NUCKS1: variants seen among roughly 807,000 people sequenced by gnomAD.
NUCKS1 encodes the protein nuclear ubiquitous casein and cyclin-dependent kinase substrate 1.
A neutral mutation model predicts 33.0 loss-of-function variants in NUCKS1; 2 were observed. That is an observed-to-expected ratio of 0.06 (90% CI 0.02 to 0.19). The LOEUF (loss-of-function observed/expected upper bound fraction) is 0.19. NUCKS1 is among the 10% of genes least tolerant of loss of function. The probability of loss-of-function intolerance (pLI) is 1.00; values close to 1 mark genes in which losing one functional copy is unlikely to be tolerated. For synonymous variants in NUCKS1, 106 were observed against 102.8 expected (o/e 1.03, Z -0.19); for missense variants, 201 against 293.6 (o/e 0.68, Z 2.31).
intron 1 of NUCKS1, among the ~76,000 whole-genome samples, chr1:205,733,194 T>C (rs1653958259): frequency 6.6e-6 from 1 of 152,224 alleles, no homozygotes; most frequent in Non-Finnish European, 1.5e-5. Flanking sequence ...TAGCAATGGA[T>C]ATATCCTATG....
At chr1:205,746,021 C>T (rs1263618097) in intron 1 of NUCKS1, among the ~76,000 whole-genome samples, 1 of 152,138 alleles carries the variant, frequency 6.6e-6, no homozygotes, top group Non-Finnish European at 1.5e-5. Flanking sequence ...TCCGGCCGGG[C>T]GCGGTAGTTC....
intron 5 of NUCKS1, 43 bp downstream of exon 5, chr1:205,720,458 A>G (rs1671899792): frequency 6.3e-7 from 1 of 1,592,010 alleles, no homozygotes; most frequent in South Asian, 1.1e-5. Context: ...ACAAACTACA[A>G]TTATGACCAA....
chr1:205,749,612 G>A (rs1654430079), intron 1 of NUCKS1, among the ~76,000 whole-genome samples: 2 of 152,064 alleles, frequency 1.3e-5, no homozygotes, highest in Non-Finnish European at 2.9e-5. Context: ...ACGGCCCCGA[G>A]GAGGTGGGGC....
chr1:205,720,657 C>T lies in NUCKS1; in HGVS notation c.230-4G>A. The T allele has an allele frequency of 1.2e-6, 2 of 1,608,126 alleles. No individual in the cohort carries two copies. The highest frequency in any genetic ancestry group is 2.2e-5 in the East Asian group (1 of 44,842). ...TCTTTTTCATCTTCACTATCCTCTG[C>T]AATATCAGAATTACCATGATATAAT... On this transcript the variant is annotated splice_region_variant and splice_polypyrimidine_tract_variant and intron_variant, in intron 4 of 6. Transcript: ENST00000367142.
chr1:205,750,014 C>CCGG lies in NUCKS1; in HGVS notation c.-42_-41insCCG. 3 of 1,568,862 alleles carry CCGG rather than the reference C, an allele frequency of 1.9e-6. No individual in the cohort carries two copies. The highest frequency in any genetic ancestry group is 2.6e-6 in the Non-Finnish European group (3 of 1,154,148). ...AGGACCGAGTCGAGAAGCCAAAGACCAGGACCCCCCCCACCCCGCGCGCTC... is the reference window on the plus strand; with the variant it reads ...AGGACCGAGTCGAGAAGCCAAAGACCCGGAGGACCCCCCCCACCCCGCGCGCTC... On this transcript the variant is annotated 5_prime_UTR_variant, in exon 1 of 7. Coordinates refer to ENST00000367142, the MANE Select transcript of NUCKS1 (RefSeq NM_022731.5).
intron 1 of NUCKS1, among the ~76,000 whole-genome samples, chr1:205,741,800 A>G (rs1654182464): frequency 6.6e-6 from 1 of 152,176 alleles, no homozygotes; most frequent in Non-Finnish European, 1.5e-5. Flanking sequence ...TTCCTGGGAA[A>G]GAAGTTAGGG....
chr1:205,720,385 A>AAACCCAGT, intron 5 of NUCKS1, 116 bp downstream of exon 5: 1 of 973,046 alleles, frequency 1.0e-6, no homozygotes, highest in Non-Finnish European at 1.5e-6. Flanking sequence ...CGGAGTATCT[A>AAACCCAGT]CCCAATTTAA....
intron 3 of NUCKS1, among the ~76,000 whole-genome samples, chr1:205,725,235 G>C (rs10494873): frequency 0.017 from 2,609 of 152,218 alleles, 58 homozygotes; most frequent in African/African-American, 0.045. Flanking sequence ...AAATCACTTG[G>C]TATTCTTCAA....
rs1671809096 is a variant in NUCKS1, at chr1:205,715,646, C to T, written c.*2634G>A. 1 of 152,220 alleles carries T rather than the reference C, an allele frequency of 6.6e-6. No individual in the cohort carries two copies. The highest frequency in any genetic ancestry group is 2.1e-4 in the South Asian group (1 of 4,834). 9.4% of individuals were successfully genotyped at this position (152,220 alleles called of 1,614,324 possible). A position where few individuals can be genotyped will look rare whatever the true frequency, so the allele number is the denominator to read the frequency against. ...TAGAATGTAGTGTCAGTCAGCATAG[C>T]TGCTGAAATCTACGTTGTAGAGGTA... On this transcript the variant is annotated 3_prime_UTR_variant, in exon 7 of 7. Transcript: ENST00000367142.
At chr1:205,721,902 G>A (rs577228135) in intron 4 of NUCKS1, among the ~76,000 whole-genome samples, 67 of 152,042 alleles carry the variant, frequency 4.4e-4, no homozygotes, top group Non-Finnish European at 5.3e-4. Context: ...TCGAACTCCC[G>A]ACCTCAGGTG....
At chr1:205,724,340 T>C (rs1671967828) in intron 3 of NUCKS1, among the ~76,000 whole-genome samples, 1 of 152,200 alleles carries the variant, frequency 6.6e-6, no homozygotes, top group African/African-American at 2.4e-5. Context: ...ATAGTGTTGA[T>C]GGCAAATAAA....
intron 1 of NUCKS1, among the ~76,000 whole-genome samples, chr1:205,742,100 TAGC>T (rs1654190847): frequency 6.6e-6 from 1 of 152,242 alleles, no homozygotes; most frequent in Non-Finnish European, 1.5e-5. Flanking sequence ...GTGTAAGAGA[TAGC>T]AGCACCGACT....
chr1:205,717,386 A>C lies in NUCKS1; in HGVS notation c.*894T>G. Reference sequence around the variant, plus strand: ...ACCTGTAGACTGATCTTGTTGATTAAATTCTAGGGTTTTTTTTTTTTTGGA... The same window carrying C: ...ACCTGTAGACTGATCTTGTTGATTACATTCTAGGGTTTTTTTTTTTTTGGA... On this transcript the variant is annotated 3_prime_UTR_variant, in exon 7 of 7. Coordinates refer to ENST00000367142, the MANE Select transcript of NUCKS1 (RefSeq NM_022731.5). The C allele has an allele frequency of 1.0e-6, 1 of 974,464 alleles. No homozygotes were observed. Among genetic ancestry groups the C allele is most frequent in the Non-Finnish European group, 1.2e-6 (1 of 820,978 alleles). 60.4% of individuals were successfully genotyped at this position (974,464 alleles called of 1,614,324 possible).
chr1:205,725,276 C>G (rs1653725374), intron 3 of NUCKS1, among the ~76,000 whole-genome samples: 1 of 152,224 alleles, frequency 6.6e-6, no homozygotes, highest in Non-Finnish European at 1.5e-5. Context: ...ATGAAAAATT[C>G]TGAAGAACAA....
At chr1:205,728,908 G>C (rs1027402789) in intron 2 of NUCKS1, among the ~76,000 whole-genome samples, 5 of 151,968 alleles carry the variant, frequency 3.3e-5, no homozygotes, top group African/African-American at 1.2e-4. Flanking sequence ...GTAACAGCAG[G>C]AGATTTTTTT....
rs560857774 is a variant in NUCKS1 at position 205,718,967 on chromosome 1, A to G, written c.533-488T>C. ...GTTTAACAATGACTAGTTCTACCTA[A>G]CAGAATAAAACCACCTACACAAAAA... On this transcript the variant is annotated intron_variant, in intron 6 of 6. Transcript: ENST00000367142. Among the ~76,000 whole-genome samples the G allele has an allele frequency of 2.6e-5, 4 of 152,318 alleles. No individual in the cohort carries two copies. The East Asian group carries it at 5.8e-4, about 22-fold the overall frequency.
Position 205,724,695 on chromosome 1 carries a change from AC to A in NUCKS1, c.174-715del, listed in dbSNP as rs905268053. Among the ~76,000 whole-genome samples the A allele has an allele frequency of 7.9e-4, 118 of 150,028 alleles. 1 individual carries two copies. The highest frequency in any genetic ancestry group is 2.7e-3 in the African/African-American group (109 of 40,856). On this transcript the variant is annotated intron_variant, in intron 3 of 6. Transcript: ENST00000367142. ...GGTGGCAGAGCAAGACTCCATCCCCACCCCCCCCAAAAAAAGGAATTGTAGT... is the reference window on the plus strand; with the variant it reads ...GGTGGCAGAGCAAGACTCCATCCCCACCCCCCCAAAAAAAGGAATTGTAGT...
chr1:205,724,630 G>T (rs897082102), intron 3 of NUCKS1, among the ~76,000 whole-genome samples: 2 of 152,110 alleles, frequency 1.3e-5, no homozygotes, highest in African/African-American at 2.4e-5. Flanking sequence ...GGAGGCAGAG[G>T]TTGCAGTGAG....
At chr1:205,749,578 C>T (rs1034585132) in intron 1 of NUCKS1, among the ~76,000 whole-genome samples, 1 of 152,044 alleles carries the variant, frequency 6.6e-6, no homozygotes, top group African/African-American at 2.4e-5. Flanking sequence ...AGTCCGCCCG[C>T]CTCCCCGCGC....
Sources: allele counts gnomAD v4.1 joint callset (sites outside exome capture counted in the v4.1 genomes callset), GRCh38; gene constraint gnomAD v4.1.1; transcripts MANE v1.5; gene names NCBI Gene and HGNC (gene_info 2026-07-23, HGNC 2026-07-21).